Variants in UGT1A8 observed in about 807,000 individuals in gnomAD.
UGT1A8 encodes the protein UDP glucuronosyltransferase family 1 member A8.
In UGT1A8, 39 loss-of-function variants were observed where a neutral mutation model predicts 45.3. That is an observed-to-expected ratio of 0.86 (90% CI 0.67 to 1.12). The LOEUF (loss-of-function observed/expected upper bound fraction) is 1.12, where lower values mean the gene tolerates loss of function less well. UGT1A8 is among the 50% of genes most tolerant of loss of function. The pLI, the probability that UGT1A8 is intolerant of heterozygous loss-of-function variation, is 0.00. For missense variants in UGT1A8, 719 were observed against 664.9 expected (o/e 1.08, Z -0.90); for synonymous variants, 275 against 249.2 (o/e 1.10, Z -0.97).
chr2:233,681,999 G>C, intron 1 of UGT1A8: 1 of 1,614,168 alleles, frequency 6.2e-7, no homozygotes, highest in Non-Finnish European at 8.5e-7. Context: ...CTGACCTGTG[G>C]CTTTGCCAAG....
At chr2:233,648,739 C>A in intron 1 of UGT1A8, 1 of 551,624 alleles carries the variant, frequency 1.8e-6, no homozygotes, top group South Asian at 2.0e-5. Flanking sequence ...GCTGGAATTA[C>A]AGGGGTGAGC....
At position 233,772,892 on chromosome 2, in the gene UGT1A8, T is replaced by A; in HGVS notation, c.*333T>A. On this transcript the variant is annotated 3_prime_UTR_variant, in exon 5 of 5. Coordinates refer to ENST00000373450, the MANE Select transcript of UGT1A8 (RefSeq NM_019076.5). The stretch of plus-strand genomic sequence containing the variant: ...TTGGGAGTGCGGGATTCAAAGGTGG[T>A]CCCACGGCTGCCCCTACTGCAAATG... 1 of 501,562 alleles carries A rather than the reference T, an allele frequency of 2.0e-6. No homozygotes were observed. Among genetic ancestry groups the A allele is most frequent in the Non-Finnish European group, 3.2e-6 (1 of 310,918 alleles). 31.1% of individuals were successfully genotyped at this position (501,562 alleles called of 1,614,324 possible).
At chr2:233,737,874 C>A (rs1441437584) in intron 1 of UGT1A8, among the ~76,000 whole-genome samples, 1 of 152,148 alleles carries the variant, frequency 6.6e-6, no homozygotes, top group East Asian at 1.9e-4. Flanking sequence ...AAGAATTCCA[C>A]ATTAACAAAG....
intron 1 of UGT1A8, among the ~76,000 whole-genome samples, chr2:233,627,717 TC>T (rs1346781632): frequency 6.6e-6 from 1 of 150,394 alleles, no homozygotes; most frequent in Non-Finnish European, 1.5e-5. Flanking sequence ...TTATCTAGCT[TC>T]ATTTATTTTG....
chr2:233,671,706 A>T, intron 1 of UGT1A8: 1 of 926,240 alleles, frequency 1.1e-6, no homozygotes, highest in Non-Finnish European at 1.5e-6. Flanking sequence ...CCCAAGGCAA[A>T]GACCATAAGC....
chr2:233,620,259 C>G (rs1385429389), intron 1 of UGT1A8, among the ~76,000 whole-genome samples: 1 of 152,204 alleles, frequency 6.6e-6, no homozygotes, highest in African/African-American at 2.4e-5. Context: ...ACGGCAAGAT[C>G]AGGTGAAGAG....
At chr2:233,637,036 A>C (rs1181793809) in intron 1 of UGT1A8, 2 of 1,613,982 alleles carry the variant, frequency 1.2e-6, no homozygotes, top group Admixed American at 1.7e-5. Flanking sequence ...CACCAGGGGA[A>C]TATTTTGCCA....
chr2:233,691,781 C>T (rs977345614), intron 1 of UGT1A8: 4 of 282,536 alleles, frequency 1.4e-5, no homozygotes, highest in Non-Finnish European at 2.1e-5. Context: ...TCACCACGTA[C>T]TGGCTAGACT....
Position 233,769,845 on chromosome 2 carries a change from G to T in UGT1A8, c.1295+1406G>T. ...ACTCCAGCAACCTGGGCAACAGAGT[G>T]AGACCCTGTCTCAAAAAAAAAAAAA... On this transcript the variant is annotated intron_variant, in intron 4 of 4. Transcript: ENST00000373450. This position sits in a 1 kb window ranked among gnomAD's most constrained non-coding sequence, Gnocchi z 4.4. The T allele has an allele frequency of 6.0e-6, 3 of 503,862 alleles. No individual in the cohort carries two copies. The highest frequency in any genetic ancestry group is 6.3e-6 in the Non-Finnish European group (2 of 319,128). 31.2% of individuals were successfully genotyped at this position (503,862 alleles called of 1,614,324 possible).
intron 1 of UGT1A8, among the ~76,000 whole-genome samples, chr2:233,765,655 G>A (rs1698901056): frequency 6.6e-6 from 1 of 151,526 alleles, no homozygotes; most frequent in African/African-American, 2.4e-5. Context: ...AATAGGTGCA[G>A]CAAACCACCA....
rs751107175 is a variant in UGT1A8, at chr2:233,761,195, A to G, written c.856-5839A>G. On this transcript the variant is annotated intron_variant, in intron 1 of 4. Coordinates refer to ENST00000373450, the MANE Select transcript of UGT1A8 (RefSeq NM_019076.5). ...CTTTTACATGCGTATATTCTTTCAG[A>G]TGTATTACTTTGGATCGATTAACTA... The G allele has an allele frequency of 4.3e-6, 7 of 1,613,994 alleles. No individual in the cohort carries two copies. The African/African-American group carries it at 8.0e-5, about 18-fold the overall frequency.
intron 1 of UGT1A8, among the ~76,000 whole-genome samples, chr2:233,630,756 T>A (rs1243257306): frequency 6.6e-6 from 1 of 151,670 alleles, no homozygotes; most frequent in East Asian, 1.9e-4. Flanking sequence ...CTGGGGTACA[T>A]GTGGAAGATG....
intron 1 of UGT1A8, among the ~76,000 whole-genome samples, chr2:233,695,189 G>A (rs2075271649): frequency 2.0e-5 from 3 of 148,082 alleles, no homozygotes; most frequent in South Asian, 4.3e-4. Context: ...GCAGTGGTGC[G>A]ATCTCAGCCC....
At chr2:233,626,980 C>T (rs748292062) in intron 1 of UGT1A8, among the ~76,000 whole-genome samples, 10 of 151,932 alleles carry the variant, frequency 6.6e-5, no homozygotes, top group Non-Finnish European at 1.3e-4. Context: ...GTTGTACAAC[C>T]AAAAAACTGT....
At chr2:233,734,081 A>G (rs1041213735) in intron 1 of UGT1A8, among the ~76,000 whole-genome samples, 23 of 152,124 alleles carry the variant, frequency 1.5e-4, no homozygotes, top group African/African-American at 5.6e-4. Context: ...CATTGTGCAC[A>G]TGCACCCTAA....
intron 1 of UGT1A8, among the ~76,000 whole-genome samples, chr2:233,757,560 A>ATATATATATATATATATATATATG (rs904896556): frequency 5.7e-5 from 7 of 123,150 alleles, no homozygotes; most frequent in African/African-American, 2.4e-4. Context: ...ATATATATAT[A>ATATATATATATATATATATATATG]TGTATATATG....
intron 1 of UGT1A8, among the ~76,000 whole-genome samples, chr2:233,652,608 C>A (rs1397184601): frequency 1.3e-5 from 2 of 152,148 alleles, no homozygotes; most frequent in Non-Finnish European, 2.9e-5. Flanking sequence ...CTAATTGTCT[C>A]AAAAATGTCT....
intron 1 of UGT1A8, among the ~76,000 whole-genome samples, chr2:233,651,196 C>A (rs879347506): frequency 6.6e-6 from 1 of 152,060 alleles, no homozygotes; most frequent in African/African-American, 2.4e-5. Context: ...GTTACAGCAC[C>A]AAGCACCACC....
rs28505045 is a variant in UGT1A8, at chr2:233,707,706, C to T, written c.856-59328C>T. On this transcript the variant is annotated intron_variant, in intron 1 of 4. Transcript: ENST00000373450. ...GGGCTTTGGGTTGTATCTAGCTTTT[C>T]ACTACTGTGAACAATGTTACAACGA... Among the ~76,000 whole-genome samples, 733 of 152,270 alleles carry T rather than the reference C, an allele frequency of 4.8e-3. 9 individuals are homozygous for T. The highest frequency in any genetic ancestry group is 0.017 in the African/African-American group (690 of 41,542).
Sources: gnomAD v4.1 joint callset for allele counts (sites outside exome capture counted in the v4.1 genomes callset) on GRCh38, gnomAD v4.1.1 for gene constraint, Gnocchi (gnomAD v3.1) non-coding constraint, MANE v1.5 for transcripts, NCBI Gene and HGNC (gene_info 2026-07-23, HGNC 2026-07-21) for gene names.